The following KIFC3 variants were observed in gnomAD, a reference collection of about 807,000 sequenced individuals.
The protein encoded by KIFC3 is kinesin family member C3.
In KIFC3, 60 loss-of-function variants were observed where a neutral mutation model predicts 101.8. That is an observed-to-expected ratio of 0.59 (90% confidence interval 0.48 to 0.73). The LOEUF is 0.73. Among genes scored for constraint, KIFC3 ranks in the 30% least tolerant of loss-of-function variants. The pLI is 0.00. For missense variants in KIFC3, 966 were observed against 1,137.1 expected, an observed-to-expected ratio of 0.85 and a Z score of 2.16; for synonymous variants, 476 against 482.7, an observed-to-expected ratio of 0.99 and a Z score of 0.18.
rs1598131983 is a variant in KIFC3 at position 57,794,921 on chromosome 16, C to G, written c.315+78G>C. 1.1e-5 allele frequency: 15 copies of G among 1,373,822 alleles called. No homozygotes were observed. In the East Asian group the frequency reaches 3.9e-4, roughly 36 times the overall value. 85.1% of individuals were successfully genotyped at this position (1,373,822 alleles called of 1,614,324 possible). On this transcript the variant is annotated intron_variant, in intron 3 of 19. Coordinates refer to ENST00000445690, the MANE Select transcript of KIFC3 (RefSeq NM_001130100.2). ...GGCTCTCCCCAGGTGCTTCCTACCC[C>G]CAGAAGCCTGGCAGGAACCCAGCCA...
Position 57,853,140 on chromosome 16 carries a change from C to T in KIFC3, c.108+9589G>A, listed in dbSNP as rs573042989. 7.2e-5 allele frequency among the ~76,000 whole-genome samples: 11 copies of T among 152,008 alleles called. No individual in the cohort carries two copies. In the South Asian group the frequency reaches 1.0e-3, roughly 14 times the overall value. ...ACTAAAAGTATTCAAATAATCTGCC[C>T]GGGCGCGGTGGCTCACTCCTGTAAT... On this transcript the variant is annotated intron_variant, in intron 1 of 2. Transcript: ENST00000563028.
At chr16:57,816,113 T>C (rs73558649) in intron 1 of KIFC3, 35 of 967,598 alleles carry the variant, frequency 3.6e-5, no homozygotes, top group Non-Finnish European at 4.8e-5. Context: ...CTCTTACCAG[T>C]GGCTCTGAAC....
chr16:57,815,656 T>G (rs2055203228), intron 1 of KIFC3: 1 of 1,289,252 alleles, frequency 7.8e-7, no homozygotes, highest in African/African-American at 1.5e-5. Flanking sequence ...GTAAGTGAAG[T>G]GGGTATTCCT....
chr16:57,803,033 GCACACGCTCT>G, upstream of KIFC3: 1 of 1,535,772 alleles, frequency 6.5e-7, no homozygotes, highest in Non-Finnish European at 8.7e-7. Flanking sequence ...TGTTTACAGC[GCACACGCTCT>G]CACTCGCTCC....
At chr16:57,832,633 C>T (rs2055607038) in intron 1 of KIFC3, among the ~76,000 whole-genome samples, 1 of 151,802 alleles carries the variant, frequency 6.6e-6, no homozygotes, top group Non-Finnish European at 1.5e-5. Flanking sequence ...AATTTTTTTT[C>T]TCCCAGCATA....
intron 9 of KIFC3, among the ~76,000 whole-genome samples, chr16:57,768,788 G>A (rs1555604980): frequency 1.3e-5 from 2 of 152,152 alleles, no homozygotes; most frequent in African/African-American, 2.4e-5. Flanking sequence ...TAAACAGCTC[G>A]ACATGTAGGA....
At chr16:57,810,529 A>C (rs1433448225) in intron 1 of KIFC3, 1 of 324,946 alleles carries the variant, frequency 3.1e-6, no homozygotes, top group Non-Finnish European at 4.4e-6. Context: ...ACCAGCTTCC[A>C]GGTGACCGAG....
chr16:57,761,002 G>A, intron 15 of KIFC3, 40 bp downstream of exon 15: 1 of 1,602,822 alleles, frequency 6.2e-7, no homozygotes, highest in Non-Finnish European at 8.5e-7. Context: ...GCCCCTTGGG[G>A]TTGTGGGGAT....
At chr16:57,778,382 A>G (rs1215834273) in intron 3 of KIFC3, among the ~76,000 whole-genome samples, 1 of 152,260 alleles carries the variant, frequency 6.6e-6, no homozygotes, top group Admixed American at 6.5e-5. Flanking sequence ...TAAATTTGGC[A>G]ATGACTTCTT....
At chr16:57,813,880 A>G (rs144914335) in intron 1 of KIFC3, 13,220 of 985,110 alleles carry the variant, frequency 0.013, 101 homozygotes, top group South Asian at 0.021. Flanking sequence ...CCTGGTAGAC[A>G]GGTAGGCAGA....
At position 57,826,505 on chromosome 16, in the gene KIFC3, A is replaced by G. The variant is rs532960492; in HGVS notation, c.109-28223T>C. 5.3e-5 allele frequency among the ~76,000 whole-genome samples: 8 copies of G among 152,356 alleles called. No homozygotes were observed. In the South Asian group the frequency reaches 1.7e-3, roughly 32 times the overall value. ...AATTTAAATTTAAACATTAAAAAAT[A>G]TTGGGTTAGGAACCACCACTCTTTT... On this transcript the variant is annotated intron_variant, in intron 1 of 2. Transcript: ENST00000563028.
At chr16:57,781,019 G>A (rs539876582) in intron 3 of KIFC3, among the ~76,000 whole-genome samples, 1 of 152,120 alleles carries the variant, frequency 6.6e-6, no homozygotes, top group Admixed American at 6.5e-5. Flanking sequence ...CAGGGGGCAG[G>A]TAGGGAGTGC....
chr16:57,816,882 A>C (rs1260753770), intron 1 of KIFC3: 1 of 392,252 alleles, frequency 2.5e-6, no homozygotes, highest in African/African-American at 2.1e-5. Context: ...ATCTGTGGCC[A>C]TCACAACCGA....
chr16:57,783,034 G>T (rs764693682), intron 3 of KIFC3, among the ~76,000 whole-genome samples: 7 of 152,224 alleles, frequency 4.6e-5, no homozygotes, highest in Middle Eastern at 3.2e-3. Flanking sequence ...TTGTGGGAGT[G>T]GGGTAAGCTC....
intron 3 of KIFC3, among the ~76,000 whole-genome samples, chr16:57,773,634 G>A (rs1297207325): frequency 3.3e-5 from 5 of 152,182 alleles, no homozygotes; most frequent in African/African-American, 1.2e-4. Context: ...CAGGGTGACA[G>A]AGCGAGGCTG....
chr16:57,768,066 C>A (rs572757035), intron 9 of KIFC3, among the ~76,000 whole-genome samples: 1 of 151,880 alleles, frequency 6.6e-6, no homozygotes, highest in Non-Finnish European at 1.5e-5. Context: ...TGGCTCATGC[C>A]GGTAATGCCA....
At chr16:57,773,274 A>T (rs2051524846) in intron 3 of KIFC3, among the ~76,000 whole-genome samples, 1 of 152,202 alleles carries the variant, frequency 6.6e-6, no homozygotes, top group South Asian at 2.1e-4. Flanking sequence ...TTACTAAATG[A>T]TAGGCAACAA....
chr16:57,801,237 G>A (rs1023087985), intron 1 of KIFC3, among the ~76,000 whole-genome samples: 1 of 152,182 alleles, frequency 6.6e-6, no homozygotes, highest in Non-Finnish European at 1.5e-5. Flanking sequence ...TGCAAAGACT[G>A]GGGGGACAGG....
chr16:57,762,355 A>G, intron 12 of KIFC3, 85 bp from the exon 13 acceptor site: 1 of 1,332,816 alleles, frequency 7.5e-7, no homozygotes, highest in Non-Finnish European at 9.9e-7. Context: ...CCCCTTGACT[A>G]CCCCTCACAA....
Sources: allele counts gnomAD v4.1 joint callset (sites outside exome capture counted in the v4.1 genomes callset), GRCh38; gene constraint gnomAD v4.1.1; transcripts MANE v1.5; gene names NCBI Gene and HGNC (gene_info 2026-07-23, HGNC 2026-07-21).